Variants in SORCS1 observed in about 807,000 individuals in gnomAD.
The protein encoded by SORCS1 is VPS10 domain-containing receptor SorCS1.
A neutral mutation model predicts 146.1 loss-of-function variants in SORCS1; 60 were observed. That is an observed-to-expected ratio of 0.41 (90% confidence interval 0.33 to 0.51). The LOEUF is 0.51. Ranked by LOEUF, SORCS1 falls within the 20% of genes least tolerant of loss-of-function variation. The probability of loss-of-function intolerance (pLI) is 0.21; values close to 1 mark genes in which losing one functional copy is unlikely to be tolerated. For missense variants in SORCS1, 1,352 were observed against 1,487.6 expected (o/e 0.91, Z 1.50); for synonymous variants, 637 against 584.0 (o/e 1.09, Z -1.31).
chr10:106,887,441 A>G (rs373583152), intron 2 of SORCS1, among the ~76,000 whole-genome samples: 10 of 152,148 alleles, frequency 6.6e-5, no homozygotes, highest in Admixed American at 5.2e-4. Flanking sequence ...TTACTTTGGT[A>G]TAGAGACTAT....
intron 2 of SORCS1, among the ~76,000 whole-genome samples, chr10:106,902,850 G>T (rs576805953): frequency 6.6e-6 from 1 of 152,232 alleles, no homozygotes; most frequent in African/African-American, 2.4e-5. Flanking sequence ...AGGCCAAGGC[G>T]AGTGGATCAC....
intron 19 of SORCS1, among the ~76,000 whole-genome samples, chr10:106,626,733 G>A (rs1848137345): frequency 1.3e-5 from 2 of 152,186 alleles, no homozygotes; most frequent in Non-Finnish European, 2.9e-5. Flanking sequence ...GGATCTTTAG[G>A]AGGGAGGCAC....
chr10:107,129,846 GT>G (rs1396233291), intron 1 of SORCS1, among the ~76,000 whole-genome samples: 1 of 152,162 alleles, frequency 6.6e-6, no homozygotes. Flanking sequence ...TGGATTCTGT[GT>G]GAGAGACCAT....
intron 22 of SORCS1, among the ~76,000 whole-genome samples, chr10:106,609,179 G>T (rs147516637): frequency 6.6e-6 from 1 of 152,140 alleles, no homozygotes; most frequent in African/African-American, 2.4e-5. Flanking sequence ...TTGGGACCCA[G>T]TGCTCTGTAC....
chr10:106,933,651 C>T (rs1953535492), intron 2 of SORCS1, among the ~76,000 whole-genome samples: 1 of 152,048 alleles, frequency 6.6e-6, no homozygotes, highest in South Asian at 2.1e-4. Flanking sequence ...CCCCCACCCC[C>T]AGCTATGGCA....
chr10:106,752,768 A>G (rs1858353693), intron 5 of SORCS1, among the ~76,000 whole-genome samples: 1 of 152,116 alleles, frequency 6.6e-6, no homozygotes, highest in African/African-American at 2.4e-5. Context: ...GGGTAATGCT[A>G]AGGAGAATGG....
chr10:106,660,116 C>A (rs2135360140), intron 17 of SORCS1, among the ~76,000 whole-genome samples: 1 of 152,228 alleles, frequency 6.6e-6, no homozygotes, highest in African/African-American at 2.4e-5. Context: ...GAGATCAGAC[C>A]AAACATCAAA....
At chr10:106,751,208 C>T (rs376528677) in intron 5 of SORCS1, among the ~76,000 whole-genome samples, 11 of 151,640 alleles carry the variant, frequency 7.3e-5, no homozygotes, top group African/African-American at 2.4e-4. Context: ...TCTTATCTAG[C>T]ACTCCTAGTG....
At chr10:106,752,894 TG>T (rs1426085950) in intron 5 of SORCS1, among the ~76,000 whole-genome samples, 3 of 152,114 alleles carry the variant, frequency 2.0e-5, no homozygotes, top group Non-Finnish European at 4.4e-5. Context: ...GTATTCACAC[TG>T]GGATATGAGG....
At chr10:106,677,254 C>A (rs1173492236) in intron 13 of SORCS1, 59 bp downstream of exon 13, 1 of 1,464,920 alleles carries the variant, frequency 6.8e-7, no homozygotes, top group Admixed American at 1.7e-5. Flanking sequence ...GACTCCTAGA[C>A]TGATCTTAGC....
intron 1 of SORCS1, among the ~76,000 whole-genome samples, chr10:106,983,875 A>T (rs1223858361): frequency 6.6e-6 from 1 of 152,246 alleles, no homozygotes; most frequent in Non-Finnish European, 1.5e-5. Context: ...AGGACCAAAC[A>T]GCATAATTCT....
chr10:106,774,083 T>C (rs545861924), intron 4 of SORCS1, among the ~76,000 whole-genome samples: 1 of 152,304 alleles, frequency 6.6e-6, no homozygotes, highest in East Asian at 1.9e-4. Context: ...TTTAGATCCT[T>C]GGCCTCATAC....
chr10:106,598,497 T>C (rs954378330), intron 23 of SORCS1, among the ~76,000 whole-genome samples: 14 of 151,860 alleles, frequency 9.2e-5, no homozygotes, highest in Admixed American at 9.2e-4. Flanking sequence ...CTTGACCTTG[T>C]GATCAGCCCG....
intron 17 of SORCS1, among the ~76,000 whole-genome samples, chr10:106,658,408 T>A (rs1183406085): frequency 6.6e-6 from 1 of 152,142 alleles, no homozygotes; most frequent in Non-Finnish European, 1.5e-5. Context: ...AAGGTGAAAC[T>A]GGAACTCTAG....
chr10:106,633,001 G>A (rs12413403), intron 18 of SORCS1, among the ~76,000 whole-genome samples: 5 of 152,114 alleles, frequency 3.3e-5, no homozygotes, highest in South Asian at 2.1e-4. Context: ...GAGATAGTAC[G>A]GTTGAAGAAA....
chr10:106,729,444 T>TC (rs1009500181), intron 6 of SORCS1, among the ~76,000 whole-genome samples: 2 of 39,584 alleles, frequency 5.1e-5, no homozygotes, highest in Admixed American at 1.9e-4. Flanking sequence ...TCTCTCTCTC[T>TC]TTTTTTTTTT....
intron 18 of SORCS1, among the ~76,000 whole-genome samples, chr10:106,639,306 G>T (rs1589537758): frequency 2.0e-5 from 3 of 152,194 alleles, no homozygotes; most frequent in African/African-American, 7.2e-5. Context: ...GGCAGACTAG[G>T]AGATTGAAAA....
intron 5 of SORCS1, among the ~76,000 whole-genome samples, chr10:106,753,881 C>T (rs186937754): frequency 7.2e-5 from 11 of 152,262 alleles, no homozygotes; most frequent in Admixed American, 6.5e-4. Context: ...CACAGGCTCT[C>T]TAGCCAGACA....
At chr10:106,802,589 C>G (rs1429321018) in intron 3 of SORCS1, among the ~76,000 whole-genome samples, 1 of 152,116 alleles carries the variant, frequency 6.6e-6, no homozygotes. Context: ...ATCTCCGCCT[C>G]CCAGGTTCAA....
Sources: gnomAD v4.1 joint callset for allele counts (sites outside exome capture counted in the v4.1 genomes callset) on GRCh38, gnomAD v4.1.1 for gene constraint, MANE v1.5 for transcripts, NCBI Gene and HGNC (gene_info 2026-07-23, HGNC 2026-07-21) for gene names.